Variants in LCORL observed in about 807,000 individuals in gnomAD.
LCORL encodes ligand-dependent nuclear receptor corepressor-like protein.
In LCORL, 41 loss-of-function variants were observed where a neutral mutation model predicts 141.8. The ratio of observed to expected loss-of-function variants is 0.29; its 90% confidence interval spans 0.23 to 0.38. LCORL has a LOEUF of 0.38. Ranked by LOEUF, LCORL falls within the 10% of genes least tolerant of loss-of-function variation. The pLI, the probability that LCORL is intolerant of heterozygous loss-of-function variation, is 1.00. For missense variants in LCORL, 1,759 were observed against 2,035.0 expected (o/e 0.86, Z 2.61); for synonymous variants, 618 against 694.1 (o/e 0.89, Z 1.72).
In LCORL at chr4:17,884,656, T is replaced by C; in HGVS notation, c.776+1412A>G. The C allele has an allele frequency of 6.5e-7, 1 of 1,540,802 alleles. No homozygotes were observed. Among genetic ancestry groups the C allele is most frequent in the Non-Finnish European group, 8.7e-7 (1 of 1,143,574 alleles). On this transcript the variant is annotated intron_variant, in intron 6 of 7. Coordinates refer to ENST00000635767, the Ensembl canonical transcript of LCORL. This position sits in a 1 kb window ranked among gnomAD's most constrained non-coding sequence, Gnocchi z 4.4. ...GTATGCCTGCTTTATTTATGTCCAG[T>C]GCTCCAGACTGAATGTCTTTCAAAG... is the stretch of plus-strand genomic sequence containing the variant.
At chr4:17,944,735 C>T (rs1323090742) in intron 4 of LCORL, among the ~76,000 whole-genome samples, 1 of 152,076 alleles carries the variant, frequency 6.6e-6, no homozygotes, top group Non-Finnish European at 1.5e-5. Flanking sequence ...TGCACTTCAG[C>T]GGACATCTTA....
At chr4:17,938,273 C>G (rs1024095362) in intron 4 of LCORL, among the ~76,000 whole-genome samples, 1 of 152,010 alleles carries the variant, frequency 6.6e-6, no homozygotes, top group Admixed American at 6.5e-5. Flanking sequence ...TCCCAAAGTG[C>G]TGGGATTACA....
At chr4:17,948,552 T>C (rs539231091) in intron 4 of LCORL, among the ~76,000 whole-genome samples, 1 of 152,050 alleles carries the variant, frequency 6.6e-6, no homozygotes. Context: ...TGGAAGTTGA[T>C]AACCTAGAAG....
exon 5 of LCORL, chr4:17,909,167 G>A: frequency 2.5e-6 from 4 of 1,613,262 alleles, no homozygotes; most frequent in Non-Finnish European, 3.4e-6. Context: ...CCTGAAGGGA[G>A]TTTTCTGCTT....
At chr4:17,945,398 C>T (rs1015791742) in intron 4 of LCORL, among the ~76,000 whole-genome samples, 4 of 149,216 alleles carry the variant, frequency 2.7e-5, no homozygotes, top group African/African-American at 1.0e-4. Context: ...CACTGACTGG[C>T]TTATAAATTG....
intron 4 of LCORL, among the ~76,000 whole-genome samples, chr4:17,925,682 T>A (rs1164401000): frequency 6.6e-6 from 1 of 151,868 alleles, no homozygotes; most frequent in Non-Finnish European, 1.5e-5. Flanking sequence ...CCATCCTGGC[T>A]AACATGGTGA....
At chr4:18,009,745 C>T (rs913280594) in intron 1 of LCORL, among the ~76,000 whole-genome samples, 10 of 152,064 alleles carry the variant, frequency 6.6e-5, no homozygotes, top group African/African-American at 2.4e-4. Context: ...GGCCACTCTC[C>T]TTCACAGATA....
At position 18,021,850 on chromosome 4, in the gene LCORL, G is replaced by C. The variant is rs1395202879; in HGVS notation, c.-99C>G. The C allele has an allele frequency of 3.1e-5, 42 of 1,335,882 alleles. No homozygotes were observed. The highest frequency in any genetic ancestry group is 4.0e-5 in the Non-Finnish European group (41 of 1,029,226). The allele number at this position is 1,335,882 out of a possible 1,614,324, so 82.8% of individuals were successfully genotyped here. A position where few individuals can be genotyped will look rare whatever the true frequency, so the allele number is the denominator to read the frequency against. ...GCGAGCCCCGGAGCGCGCGCCCCCC[G>C]GAGGGGGGTTGATTGACACGTGTCA... On this transcript the variant is annotated 5_prime_UTR_variant, in exon 1 of 8. Coordinates refer to ENST00000635767, the Ensembl canonical transcript of LCORL. This position sits in a 1 kb window ranked among gnomAD's most constrained non-coding sequence, Gnocchi z 5.5.
At chr4:17,877,770 T>C in exon 7 of LCORL, 2 of 1,230,620 alleles carry the variant, frequency 1.6e-6, no homozygotes, top group Admixed American at 4.2e-5. Flanking sequence ...TTTTGTAGAG[T>C]GAATGTTTGG....
intron 1 of LCORL, among the ~76,000 whole-genome samples, chr4:17,973,545 T>A (rs1237987238): frequency 1.3e-5 from 2 of 151,872 alleles, no homozygotes; most frequent in South Asian, 4.1e-4. Context: ...GTCTGTAACA[T>A]ATTTAATTTT....
intron 7 of LCORL, among the ~76,000 whole-genome samples, chr4:17,859,779 T>A (rs912285434): frequency 3.3e-5 from 5 of 152,174 alleles, no homozygotes; most frequent in Non-Finnish European, 7.4e-5. Context: ...ACAAAATCAA[T>A]GTACAAAAAT....
At chr4:17,978,245 T>C (rs553721425) in intron 1 of LCORL, among the ~76,000 whole-genome samples, 1 of 152,312 alleles carries the variant, frequency 6.6e-6, no homozygotes, top group East Asian at 1.9e-4. Flanking sequence ...TCCCCATTTT[T>C]TAAAGGGAGT....
chr4:17,991,464 C>G (rs904220928), intron 1 of LCORL, among the ~76,000 whole-genome samples: 1 of 152,184 alleles, frequency 6.6e-6, no homozygotes, highest in South Asian at 2.1e-4. Context: ...CTAGAGTCAA[C>G]TGAGTTCAGA....
exon 8 of LCORL, chr4:17,845,831 G>T: frequency 6.2e-7 from 1 of 1,613,364 alleles, no homozygotes; most frequent in Non-Finnish European, 8.5e-7. Context: ...ATCTTAATGG[G>T]GCTCAAAGGG....
At chr4:17,854,635 C>T (rs1724144189) in intron 7 of LCORL, among the ~76,000 whole-genome samples, 1 of 151,786 alleles carries the variant, frequency 6.6e-6, no homozygotes, top group African/African-American at 2.4e-5. Context: ...TTGAATAAAT[C>T]CTTTCTTTTG....
intron 6 of LCORL, among the ~76,000 whole-genome samples, chr4:17,879,862 T>C (rs10489042): frequency 0.1 from 15,206 of 151,006 alleles, 1,778 homozygotes; most frequent in African/African-American, 0.29. Flanking sequence ...CGATTAATAA[T>C]TGTTTATAAC....
chr4:17,947,120 C>A (rs1215921140), intron 4 of LCORL, among the ~76,000 whole-genome samples: 3 of 151,888 alleles, frequency 2.0e-5, no homozygotes, highest in Admixed American at 1.3e-4. Context: ...AAGTGTCCAG[C>A]CGCAGATGAA....
chr4:17,969,116 G>A (rs1187617977), intron 2 of LCORL, among the ~76,000 whole-genome samples: 1 of 152,166 alleles, frequency 6.6e-6, no homozygotes, highest in African/African-American at 2.4e-5. Context: ...ACTAAGGTAG[G>A]AAATGAGTAG....
chr4:17,995,947 A>T (rs190242726), intron 1 of LCORL, among the ~76,000 whole-genome samples: 65 of 152,268 alleles, frequency 4.3e-4, no homozygotes, highest in Non-Finnish European at 2.9e-4. Flanking sequence ...AAGACTTGGA[A>T]TATTATCAAC....
Sources: allele counts gnomAD v4.1 joint callset (sites outside exome capture counted in the v4.1 genomes callset), GRCh38; gene constraint gnomAD v4.1.1; non-coding constraint Gnocchi (gnomAD v3.1); transcripts MANE v1.5; gene names NCBI Gene and HGNC (gene_info 2026-07-23, HGNC 2026-07-21).